Variants in POTEF observed in about 807,000 individuals in gnomAD.
POTEF encodes ANKRD26-like family C member 1B.
A neutral mutation model predicts 83.2 loss-of-function variants in POTEF; 20 were observed. That is an observed-to-expected ratio of 0.24 (90% CI 0.17 to 0.35). The LOEUF is 0.35. Ranked by LOEUF, POTEF falls within the 10% of genes least tolerant of loss-of-function variation. The probability of loss-of-function intolerance (pLI) is 1.00; values close to 1 mark genes in which losing one functional copy is unlikely to be tolerated. For synonymous variants in POTEF, 196 were observed against 446.4 expected (o/e 0.44, Z 7.07); for missense variants, 550 against 1,203.2 (o/e 0.46, Z 8.03).
intron 4 of POTEF, 61 bp from the exon 5 acceptor site, chr2:130,115,115 G>A: frequency 6.2e-7 from 1 of 1,604,144 alleles, no homozygotes; most frequent in Non-Finnish European, 8.5e-7. Flanking sequence ...ACATTCCACA[G>A]CTTTCACCAA....
chr2:130,100,980 T>G (rs2599845), intron 9 of POTEF, among the ~76,000 whole-genome samples: 126 of 147,330 alleles, frequency 8.6e-4, no homozygotes, highest in African/African-American at 3.0e-3. Flanking sequence ...CTTAGCCCAA[T>G]GAAGAAAAAA....
intron 8 of POTEF, among the ~76,000 whole-genome samples, chr2:130,103,418 C>T (rs1405520335): frequency 6.7e-6 from 1 of 150,122 alleles, no homozygotes; most frequent in Non-Finnish European, 1.5e-5. Flanking sequence ...TCTTTTAAAA[C>T]AATGCTATGA....
At chr2:130,096,943 A>AAAAAAG (rs201931580) in intron 11 of POTEF, among the ~76,000 whole-genome samples, 2 of 128,288 alleles carry the variant, frequency 1.6e-5, no homozygotes, top group African/African-American at 2.9e-5. Flanking sequence ...CTCCGTCTCA[A>AAAAAAG]AAAAAGAAAA....
intron 1 of POTEF, among the ~76,000 whole-genome samples, chr2:130,128,668 A>G (rs778484991): frequency 8.6e-5 from 13 of 151,362 alleles, no homozygotes; most frequent in East Asian, 2.0e-4. Context: ...ACCCCACCAC[A>G]GGTAGCGCAG....
rs1684681684 is a variant in POTEF at position 130,110,544 on chromosome 2, CATGAT to C, written c.1049_1053del (p.His350ArgfsTer8). On this transcript the variant is annotated frameshift_variant and splice_region_variant, in exon 7 of 17. Coordinates refer to ENST00000409914, the MANE Select transcript of POTEF (RefSeq NM_001099771.2). LOFTEE classifies it high-confidence loss of function. The stretch of plus-strand genomic sequence containing the variant: ...TAGCCTTTTAATGTAAACACTTACA[CATGAT>C]GATGACTAGAAACAGCATACTCTCT... 1 of 1,472,516 alleles carries C rather than the reference CATGAT, an allele frequency of 6.8e-7. No individual in the cohort carries two copies. The highest frequency in any genetic ancestry group is 9.1e-7 in the Non-Finnish European group (1 of 1,095,490). The allele number at this position is 1,472,516 out of a possible 1,614,324, so 91.2% of individuals were successfully genotyped here. A position where few individuals can be genotyped will look rare whatever the true frequency, so the allele number is the denominator to read the frequency against.
At chr2:130,108,960 T>G (rs1229718548) in intron 7 of POTEF, among the ~76,000 whole-genome samples, 1 of 151,556 alleles carries the variant, frequency 6.6e-6, no homozygotes, top group Non-Finnish European at 1.5e-5. Flanking sequence ...CTTTTATTTT[T>G]TTTTTAGTTT....
intron 15 of POTEF, among the ~76,000 whole-genome samples, chr2:130,082,991 ATCT>A (rs1194452507): frequency 1.3e-5 from 1 of 74,596 alleles, no homozygotes; most frequent in Non-Finnish European, 2.6e-5. Flanking sequence ...AAGGAAAGAG[ATCT>A]AAGTTGGAGA....
intron 1 of POTEF, among the ~76,000 whole-genome samples, chr2:130,128,548 A>AAC (rs1685155128): frequency 1.3e-5 from 1 of 79,758 alleles, no homozygotes; most frequent in Non-Finnish European, 2.5e-5. Flanking sequence ...TAACCCCAAT[A>AAC]CCCCCCCCAA....
chr2:130,114,644 T>C (rs1365089860), intron 5 of POTEF, among the ~76,000 whole-genome samples: 1 of 150,910 alleles, frequency 6.6e-6, no homozygotes, highest in Non-Finnish European at 1.5e-5. Context: ...TTTTACAAAT[T>C]CAGTGTTTTC....
chr2:130,108,836 A>T (rs1573608728), intron 7 of POTEF, among the ~76,000 whole-genome samples: 4 of 149,530 alleles, frequency 2.7e-5, no homozygotes, highest in African/African-American at 7.4e-5. Flanking sequence ...TTAAGACCTG[A>T]CTTGGACCAA....
At chr2:130,075,831 A>C (rs1304090817) in intron 16 of POTEF, among the ~76,000 whole-genome samples, 1 of 149,720 alleles carries the variant, frequency 6.7e-6, no homozygotes, top group Non-Finnish European at 1.5e-5. Context: ...ATATTTATTT[A>C]AAGACGATGA....
chr2:130,111,394 T>G (rs1218117384), intron 6 of POTEF, among the ~76,000 whole-genome samples: 1 of 151,888 alleles, frequency 6.6e-6, no homozygotes, highest in African/African-American at 2.4e-5. Flanking sequence ...CTTAAAACTA[T>G]CTTCACTCCC....
intron 3 of POTEF, among the ~76,000 whole-genome samples, chr2:130,116,287 A>G (rs1667559277): frequency 6.6e-6 from 1 of 151,290 alleles, no homozygotes; most frequent in Admixed American, 6.6e-5. Flanking sequence ...ATTAGGATTT[A>G]AGACTGTTAT....
chr2:130,102,949 G>A (rs1265611282), intron 8 of POTEF, among the ~76,000 whole-genome samples: 1 of 151,258 alleles, frequency 6.6e-6, no homozygotes, highest in Admixed American at 6.6e-5. Context: ...CACCCACTTG[G>A]TCTCTCCTGC....
intron 15 of POTEF, among the ~76,000 whole-genome samples, chr2:130,085,084 T>TA (rs1221296944): frequency 1.0e-5 from 1 of 99,086 alleles, no homozygotes; most frequent in Non-Finnish European, 2.0e-5. Flanking sequence ...TACATAATAC[T>TA]ATAATAAATG....
intron 15 of POTEF, among the ~76,000 whole-genome samples, chr2:130,078,453 G>GAC: frequency 1.3e-5 from 1 of 79,688 alleles, no homozygotes; most frequent in East Asian, 3.4e-4. Context: ...AATAACAGAT[G>GAC]ACACAAACAA....
chr2:130,112,674 GGAC>G (rs1684743237), intron 5 of POTEF, among the ~76,000 whole-genome samples: 1 of 134,448 alleles, frequency 7.4e-6, no homozygotes, highest in Admixed American at 7.8e-5. Flanking sequence ...TCAGTTCATA[GGAC>G]TACTGAAACT....
chr2:130,126,303 C>CAAAAAAAAAAAAA (rs754556482), intron 2 of POTEF, among the ~76,000 whole-genome samples: 9 of 122,650 alleles, frequency 7.3e-5, no homozygotes, highest in African/African-American at 8.7e-5. Context: ...AACTCCATCT[C>CAAAAAAAAAAAAA]AAAAAAAAAA....
rs1683749713 is a variant in POTEF at position 130,075,118 on chromosome 2, A to T, written c.2354T>A (p.Ile785Asn). The change falls in exon 17 of 17, where the codon ATC (isoleucine) becomes AAC (asparagine). Residue 785 changes from isoleucine (I) to asparagine (N), a missense_variant. Physicochemically the swap from Ile to Asn is moderately radical, Grantham distance 149. Transcript: ENST00000409914. Reference sequence around the variant, plus strand: ...CTCGTTGTAGAAGGTGTGGTGCCAGATCTTCTCCATGTCATCCCAGTTGGT... The same window carrying T: ...CTCGTTGTAGAAGGTGTGGTGCCAGTTCTTCTCCATGTCATCCCAGTTGGT... ...IITNWDDMEK[I>N]WHHTFYNELR... 4 of 1,613,638 alleles carry T rather than the reference A, an allele frequency of 2.5e-6. No homozygotes were observed. Among genetic ancestry groups the T allele is most frequent in the South Asian group, 1.1e-5 (1 of 91,080 alleles).
Sources: allele counts gnomAD v4.1 joint callset (sites outside exome capture counted in the v4.1 genomes callset), GRCh38; gene constraint gnomAD v4.1.1; transcripts MANE v1.5; gene names NCBI Gene and HGNC (gene_info 2026-07-23, HGNC 2026-07-21).